Variants in TFAP2A observed in about 807,000 individuals in gnomAD.
TFAP2A encodes transcription factor AP-2 alpha, also known as transcription factor AP-2-alpha.
In TFAP2A, 7 loss-of-function variants were observed where a neutral mutation model predicts 41.5. The observed-to-expected ratio is 0.17, with a 90% CI of 0.10 to 0.32. TFAP2A has a LOEUF of 0.32. TFAP2A is among the 10% of genes least tolerant of loss of function. The pLI is 1.00. For synonymous variants in TFAP2A, 247 were observed against 242.8 expected (o/e 1.02, Z -0.16); for missense variants, 416 against 563.3 (o/e 0.74, Z 2.65).
chr6:10,414,574 C>G, intron 1 of TFAP2A: 1 of 442,682 alleles, frequency 2.3e-6, no homozygotes, highest in Non-Finnish European at 4.2e-6. Flanking sequence ...TTCCTGGTGA[C>G]TTGGGCCCTC....
Position 10,410,016 on chromosome 6 carries a change from T to C in TFAP2A, c.371A>G (p.Asp124Gly), listed in dbSNP as rs1234156913. The C allele has an allele frequency of 1.2e-6, 2 of 1,612,320 alleles. No homozygotes were observed. The highest frequency in any genetic ancestry group is 1.7e-6 in the Non-Finnish European group (2 of 1,179,488). ...RGLPHQLSGL[D>G]PRRDYRRHED... is the part of the protein sequence containing the mutation. ...GTGCCGCCTGTAGTCCCTGCGAGGATCCAGGCCCGACAGCTGGTGAGGCAG... is the reference window on the plus strand; with the variant it reads ...GTGCCGCCTGTAGTCCCTGCGAGGACCCAGGCCCGACAGCTGGTGAGGCAG... The change falls in exon 2 of 7, where the codon GAT becomes GGT. Residue 124 changes from aspartate (D) to glycine (G), a missense_variant. This residue lies in a region of TFAP2A where 241 missense variants were observed against 274.1 expected (regional missense o/e 0.88). Coordinates refer to ENST00000379613, the MANE Select transcript of TFAP2A (RefSeq NM_001372066.1).
chr6:10,410,961 G>C (rs1326735238), intron 1 of TFAP2A: 1 of 158,666 alleles, frequency 6.3e-6, no homozygotes, highest in Non-Finnish European at 1.4e-5. Context: ...TTTGGATAGG[G>C]AAAGGGGGAC....
In TFAP2A at chr6:10,410,167, G is replaced by T. The variant is rs753822419; in HGVS notation, c.220C>A (p.Pro74Thr). 1.3e-6 allele frequency: 2 copies of T among 1,531,136 alleles called. No homozygotes were observed. The highest frequency in any genetic ancestry group is 2.8e-5 in the African/African-American group (2 of 70,842). 94.8% of individuals were successfully genotyped at this position (1,531,136 alleles called of 1,614,324 possible). A position where few individuals can be genotyped will look rare whatever the true frequency, so the allele number is the denominator to read the frequency against. ...YQPIYPQSQD[P>T]YSHVNDPYSL... ...TAGGGGTCGTTGACGTGGGAGTAAG[G>T]ATCTTGCGACTGGGGGTAGATAGGC... is the stretch of plus-strand genomic sequence containing the variant. The change falls in exon 2 of 7, where the codon CCT becomes ACT. Residue 74 changes from proline (P) to threonine (T), a missense_variant. Pro to Thr is a conservative substitution (Grantham distance 38). Around this residue, in one of 3 missense-constraint regions of TFAP2A, gnomAD observed 241 missense variants for 274.1 expected, o/e 0.88. Transcript: ENST00000379613.
intron 2 of TFAP2A, among the ~76,000 whole-genome samples, chr6:10,408,847 C>T (rs1191569579): frequency 6.6e-6 from 1 of 152,228 alleles, no homozygotes; most frequent in Non-Finnish European, 1.5e-5. Context: ...TCCTTACAAT[C>T]TAATGTAGTA....
intron 6 of TFAP2A, among the ~76,000 whole-genome samples, chr6:10,399,896 GTCTCTCTC>G (rs140854143): frequency 1.3e-4 from 19 of 148,504 alleles, no homozygotes; most frequent in Non-Finnish European, 1.5e-4. Context: ...TGGGGTGTGG[GTCTCTCTC>G]TCTCTCTCTC....
At position 10,404,757 on chromosome 6, in the gene TFAP2A, A is replaced by T. The variant is rs1307976028; in HGVS notation, c.539-18T>A. On this transcript the variant is annotated intron_variant, in intron 3 of 6. Transcript: ENST00000379613. Reference sequence around the variant, plus strand: ...CACGGGGCCTGCGGAGACAGAGGGGAGGCCGCGTGTTGGGCGTCGTGGATC... The same window carrying T: ...CACGGGGCCTGCGGAGACAGAGGGGTGGCCGCGTGTTGGGCGTCGTGGATC... The T allele has an allele frequency of 6.2e-7, 1 of 1,609,782 alleles. No homozygotes were observed. Among genetic ancestry groups the T allele is most frequent in the Non-Finnish European group, 8.5e-7 (1 of 1,176,348 alleles).
intron 1 of TFAP2A, chr6:10,412,523 C>G (rs1260334221): frequency 3.0e-5 from 2 of 65,968 alleles, no homozygotes; most frequent in East Asian, 5.8e-4. Context: ...CCGGAGCGCA[C>G]GGAGGGGGAG....
intron 1 of TFAP2A, chr6:10,412,489 G>C (rs1758028984): frequency 1.5e-5 from 2 of 129,190 alleles, no homozygotes; most frequent in South Asian, 3.6e-4. Context: ...GAGGAAGGGA[G>C]GGAGGGAGGG....
intron 4 of TFAP2A, among the ~76,000 whole-genome samples, chr6:10,403,903 G>A (rs1367940539): frequency 6.6e-6 from 1 of 152,160 alleles, no homozygotes. Flanking sequence ...AGTAAATTGG[G>A]AATCATCATC....
chr6:10,415,086 C>CAGGAGGAGG (rs904750524), upstream of TFAP2A: 2 of 1,555,654 alleles, frequency 1.3e-6, no homozygotes, highest in Admixed American at 3.6e-5. Context: ...GCGGTGAGCG[C>CAGGAGGAGG]AGGAGGAGGA....
rs1761846273 is a variant in TFAP2A at position 10,398,050 on chromosome 6, TTGTTGTTGC to T, written c.*358_*366del. The T allele has an allele frequency of 2.7e-6, 3 of 1,102,284 alleles. No individual in the cohort carries two copies. The South Asian group carries it at 9.3e-5, about 34-fold the overall frequency. 68.3% of individuals were successfully genotyped at this position (1,102,284 alleles called of 1,614,324 possible). A position where few individuals can be genotyped will look rare whatever the true frequency, so the allele number is the denominator to read the frequency against. ...AGAAAAAAGTTTTTAATTTTTGTTG[TTGTTGTTGC>T]TGTTGTTGATTTGTTGTTTTGTTTA... On this transcript the variant is annotated 3_prime_UTR_variant, in exon 7 of 7. Transcript: ENST00000379613. This position sits in a 1 kb window ranked among gnomAD's most constrained non-coding sequence, Gnocchi z 5.3.
chr6:10,398,550 G>A lies in TFAP2A; in HGVS notation c.1187C>T (p.Ala396Val), dbSNP rs905854185. 3.7e-6 allele frequency: 6 copies of A among 1,614,246 alleles called. No homozygotes were observed. Among genetic ancestry groups the A allele is most frequent in the Non-Finnish European group, 5.1e-6 (6 of 1,180,046 alleles). Residue 396 changes from alanine to valine, a missense_variant, in exon 7 of 7, where the codon GCG becomes GTG. Physicochemically the swap from Ala to Val is moderately conservative, Grantham distance 64. Transcript: ENST00000379613. This position sits in a 1 kb window ranked among gnomAD's most constrained non-coding sequence, Gnocchi z 5.3. ...HGFGSPAVCA[A>V]VTALQNYLTE... ...GAGATAGTTCTGCAGGGCCGTGACC[G>A]CGGCACACACCGCGGGGCTGCCGAA...
intron 4 of TFAP2A, 113 bp downstream of exon 4, chr6:10,404,395 C>G: frequency 1.4e-6 from 1 of 694,264 alleles, no homozygotes; most frequent in Non-Finnish European, 2.0e-6. Context: ...TCCTTTCCCG[C>G]GTAGGGAGGG....
chr6:10,411,364 G>C (rs538979755), intron 1 of TFAP2A, among the ~76,000 whole-genome samples: 33 of 152,172 alleles, frequency 2.2e-4, no homozygotes, highest in African/African-American at 7.9e-4. Context: ...GAGGTCGAGC[G>C]GGGGCTGGGG....
chr6:10,406,753 C>CT (rs773167122), intron 3 of TFAP2A, 40 bp downstream of exon 3: 2 of 1,554,908 alleles, frequency 1.3e-6, no homozygotes, highest in Admixed American at 3.3e-5. Flanking sequence ...AGCACTCTGC[C>CT]TGTAAGGACA....
intron 1 of TFAP2A, 145 bp downstream of exon 1, chr6:10,414,796 G>A (rs1278592773): frequency 2.6e-5 from 28 of 1,097,490 alleles, no homozygotes; most frequent in Non-Finnish European, 3.7e-5. Context: ...CGCGTTCTTC[G>A]GGCGAATCCG....
At chr6:10,411,049 C>CT (rs1554112694) in intron 1 of TFAP2A, 1 of 137,378 alleles carries the variant, frequency 7.3e-6, no homozygotes, top group Non-Finnish European at 1.6e-5. Context: ...GGCTGTGGCC[C>CT]CCCCCCCCCG....
upstream of TFAP2A, chr6:10,415,205 C>G (rs1000857661): frequency 2.0e-5 from 29 of 1,472,800 alleles, no homozygotes; most frequent in Non-Finnish European, 2.6e-5. Context: ...AGGAGAAGGG[C>G]GAGGAGGAGG....
At chr6:10,415,488 C>CT (rs1450180749), upstream of TFAP2A, 2 of 246,974 alleles carry the variant, frequency 8.1e-6, no homozygotes, top group Non-Finnish European at 1.6e-5. Flanking sequence ...CCAACACCCC[C>CT]TCTCTTACCC....
Sources: allele counts gnomAD v4.1 joint callset (sites outside exome capture counted in the v4.1 genomes callset), GRCh38; gene constraint gnomAD v4.1.1; regional missense constraint gnomAD v4.1.1; non-coding constraint Gnocchi (gnomAD v3.1); transcripts MANE v1.5; gene names NCBI Gene and HGNC (gene_info 2026-07-23, HGNC 2026-07-21).